The following FNBP1L variants were observed in gnomAD, a reference collection of about 807,000 sequenced individuals.
FNBP1L encodes the protein formin binding protein 1 like, also known as formin-binding protein 1-like.
FNBP1L carries 36 observed loss-of-function variants against 91.2 expected under a neutral mutation model. The observed-to-expected ratio is 0.39, with a 90% CI of 0.30 to 0.52. The LOEUF (loss-of-function observed/expected upper bound fraction) is 0.52. Ranked by LOEUF, FNBP1L falls within the 20% of genes least tolerant of loss-of-function variation. The pLI is 0.66. For synonymous variants in FNBP1L, 242 were observed against 237.0 expected (o/e 1.02, Z -0.19); for missense variants, 571 against 732.1 (o/e 0.78, Z 2.54).
intron 1 of FNBP1L, among the ~76,000 whole-genome samples, chr1:93,454,053 T>C (rs944998809): frequency 1.3e-5 from 2 of 152,224 alleles, no homozygotes; most frequent in Admixed American, 1.3e-4. Flanking sequence ...GTTATGCAGG[T>C]GGGGGTTCCT....
intron 2 of FNBP1L, among the ~76,000 whole-genome samples, chr1:93,518,728 A>T (rs543560845): frequency 6.6e-6 from 1 of 152,234 alleles, no homozygotes; most frequent in African/African-American, 2.4e-5. Context: ...TTCATATGCC[A>T]TAAGATTCAT....
chr1:93,507,212 T>G (rs980401819), intron 2 of FNBP1L, among the ~76,000 whole-genome samples: 1 of 141,128 alleles, frequency 7.1e-6, no homozygotes, highest in Non-Finnish European at 1.5e-5. Context: ...CTATGGAATC[T>G]ATTATAATTT....
chr1:93,521,448 C>T (rs1226560425), intron 2 of FNBP1L, among the ~76,000 whole-genome samples: 3 of 152,264 alleles, frequency 2.0e-5, no homozygotes, highest in South Asian at 4.1e-4. Flanking sequence ...TGCCCTGACT[C>T]AGTTTCACAT....
intron 8 of FNBP1L, among the ~76,000 whole-genome samples, chr1:93,534,118 T>C (rs1218468704): frequency 1.3e-5 from 2 of 152,156 alleles, no homozygotes; most frequent in Admixed American, 6.5e-5. Context: ...TATTAAACTT[T>C]CAAATGTTGT....
intron 1 of FNBP1L, among the ~76,000 whole-genome samples, chr1:93,497,923 A>G (rs1287293429): frequency 5.3e-5 from 8 of 152,038 alleles, no homozygotes; most frequent in Non-Finnish European, 1.5e-5. Flanking sequence ...CCCGGCCATA[A>G]TATTTTAAAA....
chr1:93,548,245 A>G (rs961158860), intron 14 of FNBP1L, among the ~76,000 whole-genome samples: 1 of 152,174 alleles, frequency 6.6e-6, no homozygotes, highest in Admixed American at 6.5e-5. Context: ...GATTAAAAGG[A>G]TCTAATTTCT....
chr1:93,544,087 G>T lies in FNBP1L; in HGVS notation c.1165-20G>T. ...ATTTCCCGAAAATGTCTATTATAAT[G>T]ATTTAGATTCTCTTTTCAGGGCCCA... On this transcript the variant is annotated intron_variant, in intron 11 of 16. Coordinates refer to ENST00000271234, the MANE Select transcript of FNBP1L (RefSeq NM_001164473.3). 2 of 1,553,066 alleles carry T rather than the reference G, an allele frequency of 1.3e-6. No homozygotes were observed. The highest frequency in any genetic ancestry group is 1.2e-5 in the South Asian group (1 of 83,290).
intron 10 of FNBP1L, among the ~76,000 whole-genome samples, chr1:93,538,889 G>A (rs1187103546): frequency 6.6e-6 from 1 of 151,856 alleles, no homozygotes; most frequent in African/African-American, 2.4e-5. Context: ...AAAAACTCGT[G>A]TGTACAGATC....
intron 1 of FNBP1L, among the ~76,000 whole-genome samples, chr1:93,488,660 G>A (rs1042909604): frequency 5.3e-5 from 8 of 152,116 alleles, no homozygotes; most frequent in African/African-American, 1.9e-4. Context: ...CCTCTTGCTC[G>A]CTCAGCTGTG....
intron 2 of FNBP1L, among the ~76,000 whole-genome samples, chr1:93,505,754 G>A (rs1670588804): frequency 6.6e-6 from 1 of 152,182 alleles, no homozygotes; most frequent in Non-Finnish European, 1.5e-5. Flanking sequence ...TCTTTGAAGA[G>A]GAACCTCTAC....
chr1:93,493,341 G>A (rs1670159126), intron 1 of FNBP1L, among the ~76,000 whole-genome samples: 1 of 152,192 alleles, frequency 6.6e-6, no homozygotes, highest in Admixed American at 6.5e-5. Context: ...TTTATTTTTG[G>A]TGGAGGGGTG....
intron 2 of FNBP1L, among the ~76,000 whole-genome samples, chr1:93,511,283 A>G (rs577026809): frequency 7.5e-4 from 114 of 152,356 alleles, no homozygotes; most frequent in African/African-American, 2.6e-3. Context: ...AAGCCAGAAG[A>G]GAGTGGGGGA....
At chr1:93,504,010 G>A (rs1381129972) in intron 2 of FNBP1L, among the ~76,000 whole-genome samples, 1 of 152,124 alleles carries the variant, frequency 6.6e-6, no homozygotes, top group African/African-American at 2.4e-5. Context: ...TGGAAGACAG[G>A]AAGTGCACAA....
rs749702432 is a variant in FNBP1L, at chr1:93,533,002, T to C, written c.720T>C (p.Val240=). The stretch of plus-strand genomic sequence containing the variant: ...GATTTGCTGACTCAGAACGCAAAGT[T>C]ATTCCCATCATTTCAAAATGTTTGG... The part of the protein sequence containing the change: ...YRGFADSERK[V]IPIISKCLEG... The change falls in exon 8 of 17, where the codon GTT becomes GTC. Residue 240 remains valine, a synonymous_variant. Transcript: ENST00000271234. 1 of 1,613,576 alleles carries C rather than the reference T, an allele frequency of 6.2e-7. No individual in the cohort carries two copies. The highest frequency in any genetic ancestry group is 8.5e-7 in the Non-Finnish European group (1 of 1,179,664).
In FNBP1L at chr1:93,544,223, T is replaced by C. The variant is rs139389432; in HGVS notation, c.1274+7T>C. ...AGAAAGAATCAGACCAAAAGTATTA[T>C]TCCTTTAAGTTTTCTCTATCATTAT... On this transcript the variant is annotated splice_region_variant and intron_variant, in intron 12 of 16. Coordinates refer to ENST00000271234, the MANE Select transcript of FNBP1L (RefSeq NM_001164473.3). The C allele has an allele frequency of 1.3e-6, 2 of 1,586,072 alleles. No homozygotes were observed. Among genetic ancestry groups the C allele is most frequent in the Non-Finnish European group, 1.7e-6 (2 of 1,159,192 alleles).
Position 93,466,140 on chromosome 1 carries a change from G to A in FNBP1L, c.24+17835G>A, listed in dbSNP as rs192971486. 3.3e-3 allele frequency among the ~76,000 whole-genome samples: 502 copies of A among 151,514 alleles called. 1 individual carries two copies. The highest frequency in any genetic ancestry group is 6.8e-3 in the Middle Eastern group (2 of 294). ...GAGTAGATTGCAAAAATTTTCTCCCGTTCTGTAGGTTGCCTGTTCACTCTG... is the reference window on the plus strand; with the variant it reads ...GAGTAGATTGCAAAAATTTTCTCCCATTCTGTAGGTTGCCTGTTCACTCTG... On this transcript the variant is annotated intron_variant, in intron 1 of 16. Coordinates refer to ENST00000271234, the MANE Select transcript of FNBP1L (RefSeq NM_001164473.3).
At chr1:93,533,839 T>G (rs988345765) in intron 8 of FNBP1L, among the ~76,000 whole-genome samples, 1 of 152,174 alleles carries the variant, frequency 6.6e-6, no homozygotes, top group African/African-American at 2.4e-5. Context: ...AGCCCTCTTC[T>G]CTCTAATTAC....
chr1:93,460,458 G>A (rs1668823960), intron 1 of FNBP1L, among the ~76,000 whole-genome samples: 1 of 152,214 alleles, frequency 6.6e-6, no homozygotes, highest in Non-Finnish European at 1.5e-5. Context: ...AAATGGGACT[G>A]AAACAGGAGG....
intron 2 of FNBP1L, among the ~76,000 whole-genome samples, chr1:93,520,591 C>T (rs1183651366): frequency 6.6e-6 from 1 of 152,008 alleles, no homozygotes; most frequent in East Asian, 1.9e-4. Context: ...GTCTATGGAC[C>T]CTTGCTGGAC....
Sources: allele counts gnomAD v4.1 joint callset (sites outside exome capture counted in the v4.1 genomes callset), GRCh38; gene constraint gnomAD v4.1.1; transcripts MANE v1.5; gene names NCBI Gene and HGNC (gene_info 2026-07-23, HGNC 2026-07-21).